COASY: variants seen among roughly 807,000 people sequenced by gnomAD.
COASY encodes Coenzyme A synthase.
In COASY, 31 loss-of-function variants were observed where a neutral mutation model predicts 49.4. That is an observed-to-expected ratio of 0.63 (90% confidence interval 0.47 to 0.85). COASY has a LOEUF of 0.85. Among genes scored for constraint, COASY ranks in the 40% least tolerant of loss-of-function variants. The pLI, the probability that COASY is intolerant of heterozygous loss-of-function variation, is 0.00. For synonymous variants in COASY, 285 were observed against 310.9 expected, an observed-to-expected ratio of 0.92 and a Z score of 0.88; for missense variants, 730 against 734.1, an observed-to-expected ratio of 0.99 and a Z score of 0.06.
Position 42,562,385 on chromosome 17 carries a change from C to A in COASY, c.-238C>A, listed in dbSNP as rs749098593. ...CCCCTCCCAGGATTTCGACTCAGTT[C>A]AGCGAAGTCACCGCCCCGTCTGAGA... On this transcript the variant is annotated 5_prime_UTR_variant, in exon 1 of 9. Coordinates refer to ENST00000393818, the MANE Select transcript of COASY (RefSeq NM_025233.7). 1 of 1,611,024 alleles carries A rather than the reference C, an allele frequency of 6.2e-7. No individual in the cohort carries two copies.
At chr17:42,565,357 G>A in intron 6 of COASY, 46 bp downstream of exon 6, 1 of 1,610,040 alleles carries the variant, frequency 6.2e-7, no homozygotes, top group Non-Finnish European at 8.5e-7. Flanking sequence ...CAGTTAAGCT[G>A]TTTCTTCCCC....
chr17:42,566,082 T>A lies in COASY; in HGVS notation c.*114T>A. ...TCAGGCCCAGAGGTCCAAGCTATAC[T>A]GTGCAGGACATGGCCAGGCCTGGTG... On this transcript the variant is annotated 3_prime_UTR_variant, in exon 9 of 9. Transcript: ENST00000393818. The A allele has an allele frequency of 8.9e-7, 1 of 1,124,902 alleles. No individual in the cohort carries two copies. Among genetic ancestry groups the A allele is most frequent in the Non-Finnish European group, 1.3e-6 (1 of 753,568 alleles). The allele number at this position is 1,124,902 out of a possible 1,614,324, so 69.7% of individuals were successfully genotyped here. A position where few individuals can be genotyped will look rare whatever the true frequency, so the allele number is the denominator to read the frequency against.
intron 1 of COASY, 172 bp from the exon 2 acceptor site, chr17:42,563,789 G>A (rs1281335678): frequency 5.0e-6 from 3 of 600,748 alleles, no homozygotes; most frequent in Non-Finnish European, 8.8e-6. Context: ...TATTGTGCTT[G>A]CCTGTTTCTT....
At position 42,564,446 on chromosome 17, in the gene COASY, G is replaced by C. The variant is rs529363251; in HGVS notation, c.916G>C (p.Asp306His). Residue 306 changes from aspartate to histidine, a missense_variant and splice_region_variant, in exon 3 of 9, where the codon GAC (aspartate) becomes CAC (histidine). By Grantham distance (81) the Asp-to-His change is moderately conservative. Coordinates refer to ENST00000393818, the MANE Select transcript of COASY (RefSeq NM_025233.7). The stretch of plus-strand genomic sequence containing the variant: ...TTTTACCCTTTCCTCTTTACCCCAG[G>C]ACCTGGAGGAACTTGCTTTGTACCA... ...MAINRFRLEN[D>H]LEELALYQIQ... The C allele has an allele frequency of 8.7e-6, 14 of 1,614,008 alleles. No individual in the cohort carries two copies. In the South Asian group the frequency reaches 1.1e-4, roughly 13 times the overall value.
intron 1 of COASY, 121 bp downstream of exon 1, chr17:42,563,443 CAG>C (rs2092987668): frequency 1.5e-5 from 14 of 951,522 alleles, no homozygotes; most frequent in Non-Finnish European, 2.0e-5. Context: ...CCAAATGTCA[CAG>C]TGGTTGACAC....
chr17:42,565,024 G>C lies in COASY; in HGVS notation c.1279G>C (p.Gly427Arg), dbSNP rs1230875105. 6.2e-7 allele frequency: 1 copy of C among 1,614,182 alleles called. No individual in the cohort carries two copies. Among genetic ancestry groups the C allele is most frequent in the South Asian group, 1.1e-5 (1 of 91,084 alleles). ...KDGIINRKVL[G>R]SRVFGNKKQL... The stretch of plus-strand genomic sequence containing the variant: ...TGGCATCATCAACAGGAAGGTCCTA[G>C]GCAGCCGGGTGTTTGGGAATAAGGT... The change falls in exon 5 of 9, where the codon GGC becomes CGC. Residue 427 changes from glycine to arginine, a missense_variant. Coordinates refer to ENST00000393818, the MANE Select transcript of COASY (RefSeq NM_025233.7).
At position 42,562,398 on chromosome 17, in the gene COASY, GC is replaced by G; in HGVS notation, c.-221del. 6.2e-7 allele frequency: 1 copy of G among 1,613,326 alleles called. No homozygotes were observed. The highest frequency in any genetic ancestry group is 8.5e-7 in the Non-Finnish European group (1 of 1,179,494). On this transcript the variant is annotated 5_prime_UTR_variant, in exon 1 of 9. Transcript: ENST00000393818. The stretch of plus-strand genomic sequence containing the variant: ...TTCGACTCAGTTCAGCGAAGTCACC[GC>G]CCCGTCTGAGAAATGAGGACACCAA...
Position 42,563,986 on chromosome 17 carries a change from A to G in COASY, c.726A>G (p.Gln242=), listed in dbSNP as rs2143204384. ...LKSKLLPELL[Q]PYTERVEHLS... is the part of the protein sequence containing the mutation. Reference sequence around the variant, plus strand: ...GCAAGTTGCTCCCTGAGCTGCTCCAACCTTATACAGAACGTGTGGAACATC... The same window carrying G: ...GCAAGTTGCTCCCTGAGCTGCTCCAGCCTTATACAGAACGTGTGGAACATC... Residue 242 remains glutamine, a synonymous_variant, in exon 2 of 9, where the codon CAA becomes CAG. Transcript: ENST00000393818. 1 of 1,613,290 alleles carries G rather than the reference A, an allele frequency of 6.2e-7. No homozygotes were observed. Among genetic ancestry groups the G allele is most frequent in the Non-Finnish European group, 8.5e-7 (1 of 1,179,574 alleles).
chr17:42,565,700 C>G lies in COASY; in HGVS notation c.1527C>G (p.Ala509=). ...RIVERDGLSE[A]AAQSRLQSQM... is the part of the protein sequence containing the mutation. The stretch of plus-strand genomic sequence containing the variant: ...TGGAGAGGGATGGCCTCAGTGAAGC[C>G]GCGGCTCAAAGCCGGCTGCAGAGCC... The change falls in exon 8 of 9, where the codon GCC becomes GCG. Residue 509 remains alanine (A), a synonymous_variant. Coordinates refer to ENST00000393818, the MANE Select transcript of COASY (RefSeq NM_025233.7). The G allele has an allele frequency of 6.2e-7, 1 of 1,614,030 alleles. No homozygotes were observed.
chr17:42,564,940 C>G (rs902187995), intron 4 of COASY, 42 bp downstream of exon 4: 3 of 1,613,958 alleles, frequency 1.9e-6, no homozygotes, highest in Non-Finnish European at 2.5e-6. Flanking sequence ...GAGTGAGGAG[C>G]TAGCCAGGCC....
At chr17:42,564,350 C>A in intron 2 of COASY, 96 bp from the exon 3 acceptor site, 1 of 1,573,190 alleles carries the variant, frequency 6.4e-7, no homozygotes, top group Non-Finnish European at 8.7e-7. Flanking sequence ...GAGGAGGAGC[C>A]TGGGTAGGAA....
rs767587064 is a variant in COASY, at chr17:42,564,936, G to T, written c.1237+38G>T. 4 of 1,613,554 alleles carry T rather than the reference G, an allele frequency of 2.5e-6. No homozygotes were observed. In the Admixed American group the frequency reaches 6.7e-5, roughly 27 times the overall value. ...GAAGGCTGAAAGTGGCCTGGAGTGA[G>T]GAGCTAGCCAGGCCTCTGTGCTCAG... On this transcript the variant is annotated intron_variant, in intron 4 of 8. Coordinates refer to ENST00000393818, the MANE Select transcript of COASY (RefSeq NM_025233.7).
chr17:42,562,532 G>A lies in COASY; in HGVS notation c.-91G>A. On this transcript the variant is annotated 5_prime_UTR_variant, in exon 1 of 9. Coordinates refer to ENST00000393818, the MANE Select transcript of COASY (RefSeq NM_025233.7). Reference sequence around the variant, plus strand: ...CCCTGCTCCAGGCCTCCTTCTCTGGGGTCCAAGGTCCCATACAGGCCTCTG... The same window carrying A: ...CCCTGCTCCAGGCCTCCTTCTCTGGAGTCCAAGGTCCCATACAGGCCTCTG... 1.2e-6 allele frequency: 2 copies of A among 1,610,696 alleles called. No homozygotes were observed.
rs1199848662 is a variant in COASY, at chr17:42,565,994, C to T, written c.*26C>T. 6.2e-7 allele frequency: 1 copy of T among 1,612,684 alleles called. No homozygotes were observed. The highest frequency in any genetic ancestry group is 1.3e-5 in the African/African-American group (1 of 74,898). ...AAAGTTCTCAGTGGGGCCAGACTGG[C>T]TCCTGGAGCTGACAAGCGACCCCGT... On this transcript the variant is annotated 3_prime_UTR_variant, in exon 9 of 9. Transcript: ENST00000393818.
rs199953631 is a variant in COASY, at chr17:42,565,259, G to C, written c.1335G>C (p.Trp445Cys). ...KQLKILTDIM[W>C]PIIAKLAREE... ...TGAAGATACTCACGGACATTATGTG[G>C]CCAATTATCGCAAAGCTGGCCCGAG... Residue 445 changes from tryptophan to cysteine, a missense_variant, in exon 6 of 9, where the codon TGG (tryptophan) becomes TGC (cysteine). By Grantham distance (215) the Trp-to-Cys change is radical. Transcript: ENST00000393818. 4 of 1,614,048 alleles carry C rather than the reference G, an allele frequency of 2.5e-6. No individual in the cohort carries two copies. The African/African-American group carries it at 5.3e-5, about 22-fold the overall frequency.
In COASY at chr17:42,566,192, G is replaced by GCCCATGGGTGACTCTTA. The variant is rs1156930475; in HGVS notation, c.*229_*245dup. On this transcript the variant is annotated 3_prime_UTR_variant, in exon 9 of 9. Transcript: ENST00000393818. Reference sequence around the variant, plus strand: ...GGGGAGCAGTCCCCTCCCCACTCTTGCCCATGGGTGACTCTTACCCACAGC... The same window carrying GCCCATGGGTGACTCTTA: ...GGGGAGCAGTCCCCTCCCCACTCTTGCCCATGGGTGACTCTTACCCATGGGTGACTCTTACCCACAGC... 3.4e-6 allele frequency: 2 copies of GCCCATGGGTGACTCTTA among 584,494 alleles called. No individual in the cohort carries two copies. The highest frequency in any genetic ancestry group is 6.1e-6 in the Non-Finnish European group (2 of 327,124). 36.2% of individuals were successfully genotyped at this position (584,494 alleles called of 1,614,324 possible).
Position 42,562,972 on chromosome 17 carries a change from A to T in COASY, c.350A>T (p.Asp117Val), listed in dbSNP as rs368875340. Residue 117 changes from aspartate (D) to valine (V), a missense_variant, in exon 1 of 9, where the codon GAT becomes GTT. Coordinates refer to ENST00000393818, the MANE Select transcript of COASY (RefSeq NM_025233.7). Reference protein sequence around the residue: ...LAHPPEVVLTDFQTLDGSQYN... With the variant: ...LAHPPEVVLTVFQTLDGSQYN... ...CACCCGCCAGAAGTCGTGTTGACAG[A>T]TTTCCAGACCCTGGATGGAAGCCAG... The T allele has an allele frequency of 3.0e-5, 49 of 1,613,888 alleles. No homozygotes were observed. Among genetic ancestry groups the T allele is most frequent in the Non-Finnish European group, 4.0e-5 (47 of 1,179,954 alleles).
chr17:42,563,941 C>G lies in COASY; in HGVS notation c.701-20C>G, dbSNP rs550996329. ...TCCCCAATAAAAAGATCTCACTGTTCTTCTGGGCTCCTTCCCCAGGCAAGT... is the reference window on the plus strand; with the variant it reads ...TCCCCAATAAAAAGATCTCACTGTTGTTCTGGGCTCCTTCCCCAGGCAAGT... On this transcript the variant is annotated intron_variant, in intron 1 of 8. Coordinates refer to ENST00000393818, the MANE Select transcript of COASY (RefSeq NM_025233.7). The G allele has an allele frequency of 6.3e-7, 1 of 1,578,710 alleles. No homozygotes were observed. The highest frequency in any genetic ancestry group is 2.2e-5 in the East Asian group (1 of 44,592).
chr17:42,563,731 G>A (rs2092988686), intron 1 of COASY: 2 of 551,076 alleles, frequency 3.6e-6, no homozygotes, highest in African/African-American at 1.9e-5. Context: ...CTCTGGAGTG[G>A]TTTCCTGGTG....
Sources: gnomAD v4.1 joint callset for allele counts on GRCh38, gnomAD v4.1.1 for gene constraint, MANE v1.5 for transcripts, NCBI Gene and HGNC (gene_info 2026-07-23, HGNC 2026-07-21) for gene names.